Variants in ADAMTS12 observed in about 807,000 individuals in gnomAD.
The protein encoded by ADAMTS12 is ADAM metallopeptidase with thrombospondin type 1 motif 12, also known as A disintegrin and metalloproteinase with thrombospondin motifs 12.
ADAMTS12 carries 118 observed loss-of-function variants against 167.8 expected under a neutral mutation model. The ratio of observed to expected loss-of-function variants is 0.70; its 90% CI spans 0.61 to 0.82. ADAMTS12 has a LOEUF of 0.82. Among genes scored for constraint, ADAMTS12 ranks in the 40% least tolerant of loss-of-function variants. ADAMTS12 has a pLI of 0.00. For synonymous variants in ADAMTS12, 704 were observed against 716.9 expected (o/e 0.98, Z 0.29); for missense variants, 1,916 against 1,998.8 (o/e 0.96, Z 0.79).
intron 18 of ADAMTS12, among the ~76,000 whole-genome samples, chr5:33,583,096 T>A (rs1482189205): frequency 6.2e-4 from 1 of 1,622 alleles, no homozygotes; most frequent in Non-Finnish European, 9.9e-4. Flanking sequence ...TTCTTTCTAT[T>A]TTTTTTTTGT....
intron 19 of ADAMTS12, among the ~76,000 whole-genome samples, chr5:33,574,583 T>G (rs1746578142): frequency 8.6e-6 from 1 of 116,108 alleles, no homozygotes; most frequent in African/African-American, 3.3e-5. Flanking sequence ...AACATCACAC[T>G]CTGGGGACTG....
chr5:33,637,832 C>A (rs2112163694), intron 11 of ADAMTS12, 86 bp from the exon 12 acceptor site: 2 of 1,397,570 alleles, frequency 1.4e-6, no homozygotes, highest in Non-Finnish European at 2.0e-6. Context: ...CTGGCCTTGA[C>A]AAATGATGTC....
intron 19 of ADAMTS12, among the ~76,000 whole-genome samples, chr5:33,570,768 G>T (rs1373959890): frequency 6.7e-6 from 1 of 150,224 alleles, no homozygotes; most frequent in African/African-American, 2.4e-5. Flanking sequence ...AATGTAAATG[G>T]ACTAAATGCT....
In ADAMTS12 at chr5:33,650,249, G is replaced by T. The variant is rs78638486; in HGVS notation, c.1191-552C>A. Among the ~76,000 whole-genome samples the T allele has an allele frequency of 4.1e-3, 617 of 152,264 alleles. 4 individuals are homozygous for T. The highest frequency in any genetic ancestry group is 0.014 in the Middle Eastern group (4 of 294). On this transcript the variant is annotated intron_variant, in intron 7 of 23. Coordinates refer to ENST00000504830, the MANE Select transcript of ADAMTS12 (RefSeq NM_030955.4). ...GCAGGATTTTTAAGACAGATGATCTGTATTTGAACTCCAGCCTTGCCACTT... is the reference window on the plus strand; with the variant it reads ...GCAGGATTTTTAAGACAGATGATCTTTATTTGAACTCCAGCCTTGCCACTT...
At chr5:33,673,519 GTCA>G (rs1454408482) in intron 5 of ADAMTS12, among the ~76,000 whole-genome samples, 1 of 152,052 alleles carries the variant, frequency 6.6e-6, no homozygotes, top group African/African-American at 2.4e-5. Context: ...ATCCCAATCT[GTCA>G]TCATGTGCTG....
chr5:33,877,074 A>T (rs1750255684), intron 2 of ADAMTS12, among the ~76,000 whole-genome samples: 1 of 152,216 alleles, frequency 6.6e-6, no homozygotes. Context: ...TTAAAGCTGG[A>T]TGGCCCTTGA....
At chr5:33,867,381 A>ATT (rs1749862000) in intron 2 of ADAMTS12, among the ~76,000 whole-genome samples, 1 of 152,154 alleles carries the variant, frequency 6.6e-6, no homozygotes, top group Admixed American at 6.6e-5. Flanking sequence ...ATACTGTATG[A>ATT]CCTCACTTAT....
intron 2 of ADAMTS12, among the ~76,000 whole-genome samples, chr5:33,804,003 A>T (rs1747119997): frequency 6.6e-6 from 1 of 152,176 alleles, no homozygotes; most frequent in East Asian, 1.9e-4. Context: ...TTGGCTGGAC[A>T]TCCTTTACCA....
intron 3 of ADAMTS12, among the ~76,000 whole-genome samples, chr5:33,732,227 T>C (rs1049393228): frequency 6.6e-6 from 1 of 152,020 alleles, no homozygotes; most frequent in African/African-American, 2.4e-5. Context: ...GTAAACCACA[T>C]AGAAGTGCTA....
chr5:33,856,211 G>T (rs1749396992), intron 2 of ADAMTS12, among the ~76,000 whole-genome samples: 1 of 152,138 alleles, frequency 6.6e-6, no homozygotes, highest in African/African-American at 2.4e-5. Context: ...CAGTGGAAAA[G>T]GATCTGTTGA....
chr5:33,637,559 A>C lies in ADAMTS12; in HGVS notation c.1888+18T>G, dbSNP rs1031351183. 1 of 1,609,440 alleles carries C rather than the reference A, an allele frequency of 6.2e-7. No homozygotes were observed. Among genetic ancestry groups the C allele is most frequent in the Non-Finnish European group, 8.5e-7 (1 of 1,177,128 alleles). On this transcript the variant is annotated intron_variant, in intron 12 of 23. Transcript: ENST00000504830. ...TGGCTGTTCCCTAGATCTGAGATACACCATTACAGCTCCTTACCTGGGTTA... is the reference window on the plus strand; with the variant it reads ...TGGCTGTTCCCTAGATCTGAGATACCCCATTACAGCTCCTTACCTGGGTTA...
chr5:33,846,149 T>G (rs1748936217), intron 2 of ADAMTS12, among the ~76,000 whole-genome samples: 1 of 152,180 alleles, frequency 6.6e-6, no homozygotes, highest in African/African-American at 2.4e-5. Flanking sequence ...CTGAGGGACA[T>G]CCTACAAAAT....
intron 5 of ADAMTS12, among the ~76,000 whole-genome samples, chr5:33,675,327 T>C (rs1741864213): frequency 6.6e-6 from 1 of 152,148 alleles, no homozygotes; most frequent in African/African-American, 2.4e-5. Context: ...TGCATGGTTG[T>C]TGAGATTTTC....
At chr5:33,665,753 G>A (rs1409955839) in intron 5 of ADAMTS12, among the ~76,000 whole-genome samples, 6 of 152,092 alleles carry the variant, frequency 3.9e-5, no homozygotes, top group Non-Finnish European at 5.9e-5. Context: ...GTTTTATTAG[G>A]GGCTTATGTG....
At chr5:33,531,572 C>T (rs1457053890) in intron 23 of ADAMTS12, among the ~76,000 whole-genome samples, 2 of 152,326 alleles carry the variant, frequency 1.3e-5, no homozygotes, top group East Asian at 3.9e-4. Flanking sequence ...TGAATGTTGT[C>T]TCAATAGCTC....
At chr5:33,540,376 C>A (rs1744633292) in intron 22 of ADAMTS12, among the ~76,000 whole-genome samples, 1 of 152,266 alleles carries the variant, frequency 6.6e-6, no homozygotes, top group South Asian at 2.1e-4. Context: ...CCTCTGTGGG[C>A]AGGGCATAGC....
At chr5:33,740,634 C>A (rs888001553) in intron 3 of ADAMTS12, among the ~76,000 whole-genome samples, 1 of 152,150 alleles carries the variant, frequency 6.6e-6, no homozygotes, top group African/African-American at 2.4e-5. Flanking sequence ...GGGCACGCAC[C>A]CAATCCTGAC....
At chr5:33,545,383 A>G (rs1040286723) in intron 22 of ADAMTS12, among the ~76,000 whole-genome samples, 3 of 152,238 alleles carry the variant, frequency 2.0e-5, no homozygotes, top group Non-Finnish European at 4.4e-5. Context: ...GAAGATTTGG[A>G]GAAATAGGAA....
intron 2 of ADAMTS12, among the ~76,000 whole-genome samples, chr5:33,853,271 CAACAATGCT>C (rs1749284925): frequency 6.6e-6 from 1 of 152,180 alleles, no homozygotes; most frequent in South Asian, 2.1e-4. Flanking sequence ...ATAAAACCAT[CAACAATGCT>C]AGCTGTCATT....
Sources: allele counts gnomAD v4.1 joint callset (sites outside exome capture counted in the v4.1 genomes callset), GRCh38; gene constraint gnomAD v4.1.1; transcripts MANE v1.5; gene names NCBI Gene and HGNC (gene_info 2026-07-23, HGNC 2026-07-21).